Variants in LDB2 observed in about 807,000 individuals in gnomAD.
LDB2 encodes LIM domain binding 2, also known as LIM domain-binding protein 2.
In LDB2, 12 loss-of-function variants were observed where a neutral mutation model predicts 44.3. The observed-to-expected ratio is 0.27, with a 90% CI of 0.17 to 0.44. The LOEUF (loss-of-function observed/expected upper bound fraction) is 0.44. Among genes scored for constraint, LDB2 ranks in the 20% least tolerant of loss-of-function variants. The pLI, the probability that LDB2 is intolerant of heterozygous loss-of-function variation, is 1.00. For missense variants in LDB2, 344 were observed against 473.5 expected, an observed-to-expected ratio of 0.73 and a Z score of 2.54; for synonymous variants, 164 against 174.8, an observed-to-expected ratio of 0.94 and a Z score of 0.49.
chr4:16,593,714 C>T (rs996845), intron 3 of LDB2, among the ~76,000 whole-genome samples: 1 of 152,130 alleles, frequency 6.6e-6, no homozygotes, highest in African/African-American at 2.4e-5. Context: ...CAAGGGAGCT[C>T]GGTTCAGGGG....
At chr4:16,853,853 T>C (rs1788786623) in intron 1 of LDB2, among the ~76,000 whole-genome samples, 2 of 152,170 alleles carry the variant, frequency 1.3e-5, no homozygotes, top group Non-Finnish European at 2.9e-5. Flanking sequence ...GAGAACACTA[T>C]GCAATGTGAA....
intron 2 of LDB2, among the ~76,000 whole-genome samples, chr4:16,633,178 A>G (rs1171533971): frequency 1.3e-5 from 2 of 152,206 alleles, no homozygotes; most frequent in African/African-American, 2.4e-5. Context: ...TCAGCAAACT[A>G]TCACAAGGAC....
chr4:16,847,060 C>A (rs772161720), intron 1 of LDB2, among the ~76,000 whole-genome samples: 9 of 152,164 alleles, frequency 5.9e-5, no homozygotes, highest in Non-Finnish European at 8.8e-5. Flanking sequence ...ATTTGACTCT[C>A]ACCCCAAAAT....
At chr4:16,712,572 A>G (rs1265842252) in intron 2 of LDB2, among the ~76,000 whole-genome samples, 3 of 152,066 alleles carry the variant, frequency 2.0e-5, no homozygotes, top group African/African-American at 7.2e-5. Flanking sequence ...AAAAGAAAAG[A>G]AAAGAAATTT....
chr4:16,871,105 A>G (rs1716442238), intron 1 of LDB2, among the ~76,000 whole-genome samples: 2 of 152,218 alleles, frequency 1.3e-5, no homozygotes, highest in African/African-American at 4.8e-5. Context: ...AATTAAACAA[A>G]TCATACTGAA....
intron 5 of LDB2, among the ~76,000 whole-genome samples, chr4:16,585,041 C>T (rs1224380264): frequency 2.0e-5 from 3 of 152,154 alleles, no homozygotes; most frequent in African/African-American, 4.8e-5. Flanking sequence ...CTCCTGTTCC[C>T]TGACAAGACG....
intron 1 of LDB2, among the ~76,000 whole-genome samples, chr4:16,797,123 G>T (rs920706661): frequency 6.6e-6 from 1 of 152,116 alleles, no homozygotes; most frequent in Non-Finnish European, 1.5e-5. Flanking sequence ...CCCCTGCATT[G>T]ACCAAAATCC....
In LDB2 at chr4:16,536,056, T is replaced by C. The variant is rs1044414321; in HGVS notation, c.616-23952A>G. ...AACCCAATCCCAACTATGCTTACTTTGTAAGAAAGCTGGACGGAGCACTAG... is the reference window on the plus strand; with the variant it reads ...AACCCAATCCCAACTATGCTTACTTCGTAAGAAAGCTGGACGGAGCACTAG... On this transcript the variant is annotated intron_variant, in intron 5 of 7. Transcript: ENST00000304523. 2.6e-5 allele frequency among the ~76,000 whole-genome samples: 4 copies of C among 152,290 alleles called. No homozygotes were observed. The South Asian group carries it at 6.2e-4, about 24-fold the overall frequency.
intron 2 of LDB2, among the ~76,000 whole-genome samples, chr4:16,739,714 G>GTA (rs1396897673): frequency 1.6e-5 from 1 of 62,450 alleles, no homozygotes; most frequent in Admixed American, 1.6e-4. Flanking sequence ...GTGTATATAT[G>GTA]TATATATACA....
chr4:16,733,995 A>G (rs545082113), intron 2 of LDB2, among the ~76,000 whole-genome samples: 3 of 152,332 alleles, frequency 2.0e-5, no homozygotes, highest in South Asian at 2.1e-4. Flanking sequence ...GCAGCCTGAC[A>G]TAGGGAAAAG....
At chr4:16,697,327 C>CCCAGCTACTAG (rs1752394622) in intron 2 of LDB2, among the ~76,000 whole-genome samples, 1 of 148,574 alleles carries the variant, frequency 6.7e-6, no homozygotes, top group African/African-American at 2.5e-5. Context: ...TGGTGGTGGG[C>CCCAGCTACTAG]GCCTGTAGTC....
rs186791632 is a variant in LDB2 at position 16,860,687 on chromosome 4, T to C, written c.132+37667A>G. On this transcript the variant is annotated intron_variant, in intron 1 of 7. Transcript: ENST00000304523. ...GATTTCTTGACAAAGCATTCTAAGATGATCTCATTCAATGAACACTTGCTT... is the reference window on the plus strand; with the variant it reads ...GATTTCTTGACAAAGCATTCTAAGACGATCTCATTCAATGAACACTTGCTT... Among the ~76,000 whole-genome samples, 7 of 152,344 alleles carry C rather than the reference T, an allele frequency of 4.6e-5. No individual in the cohort carries two copies. The East Asian group carries it at 1.2e-3, about 25-fold the overall frequency.
intron 2 of LDB2, among the ~76,000 whole-genome samples, chr4:16,685,064 T>A (rs1748882561): frequency 6.6e-6 from 1 of 152,238 alleles, no homozygotes; most frequent in Non-Finnish European, 1.5e-5. Context: ...AATCTTGTCA[T>A]GTATAGCTTG....
intron 2 of LDB2, among the ~76,000 whole-genome samples, chr4:16,681,773 G>A (rs113821959): frequency 0.16 from 23,543 of 151,726 alleles, 2,338 homozygotes; most frequent in Middle Eastern, 0.23. Flanking sequence ...GGGTTTCACC[G>A]TGTTAGCCAG....
At chr4:16,809,394 C>T (rs1303723661) in intron 1 of LDB2, among the ~76,000 whole-genome samples, 4 of 152,160 alleles carry the variant, frequency 2.6e-5, no homozygotes, top group African/African-American at 7.2e-5. Flanking sequence ...ATGCTAAAGG[C>T]TGTCCAGGAC....
chr4:16,750,422 T>G (rs1401599061), intron 2 of LDB2, among the ~76,000 whole-genome samples: 1 of 152,232 alleles, frequency 6.6e-6, no homozygotes, highest in Non-Finnish European at 1.5e-5. Context: ...CAATGCAGAC[T>G]TTGGACTTAA....
At chr4:16,517,915 ATGGATG>A (rs1393929106) in intron 5 of LDB2, among the ~76,000 whole-genome samples, 22 of 150,754 alleles carry the variant, frequency 1.5e-4, no homozygotes, top group Admixed American at 5.9e-4. Flanking sequence ...GGATGGATGG[ATGGATG>A]GATGGATAAT....
At chr4:16,867,163 G>A (rs926480233) in intron 1 of LDB2, among the ~76,000 whole-genome samples, 3 of 152,204 alleles carry the variant, frequency 2.0e-5, no homozygotes, top group Non-Finnish European at 4.4e-5. Flanking sequence ...ACATGGGAAT[G>A]AGCAAGCCCT....
intron 1 of LDB2, among the ~76,000 whole-genome samples, chr4:16,827,784 AG>A: frequency 6.6e-6 from 1 of 152,310 alleles, no homozygotes; most frequent in Non-Finnish European, 1.5e-5. Context: ...AAAAGAAACA[AG>A]GAGGATCACA....
Sources: gnomAD v4.1 joint callset for allele counts (sites outside exome capture counted in the v4.1 genomes callset) on GRCh38, gnomAD v4.1.1 for gene constraint, MANE v1.5 for transcripts, NCBI Gene and HGNC (gene_info 2026-07-23, HGNC 2026-07-21) for gene names.